The following PTPRD variants were observed in gnomAD, a reference collection of about 807,000 sequenced individuals.
PTPRD encodes protein tyrosine phosphatase receptor type D.
In PTPRD, 34 loss-of-function variants were observed where a neutral mutation model predicts 214.5. That is an observed-to-expected ratio of 0.16 (90% CI 0.12 to 0.21). The LOEUF is 0.21. Ranked by LOEUF, PTPRD falls within the 10% of genes least tolerant of loss-of-function variation. The probability of loss-of-function intolerance (pLI) is 1.00; values close to 1 mark genes in which losing one functional copy is unlikely to be tolerated. For synonymous variants in PTPRD, 1,128 were observed against 845.7 expected (o/e 1.33, Z -5.79); for missense variants, 2,545 against 2,398.7 (o/e 1.06, Z -1.27).
At chr9:8,330,062 G>T (rs771166705) in intron 44 of PTPRD, among the ~76,000 whole-genome samples, 20 of 152,188 alleles carry the variant, frequency 1.3e-4, no homozygotes, top group Non-Finnish European at 2.1e-4. Context: ...GAGAAGTGCA[G>T]TATCTGGGCC....
intron 8 of PTPRD, among the ~76,000 whole-genome samples, chr9:9,412,695 A>G (rs1172461954): frequency 2.6e-5 from 4 of 152,016 alleles, no homozygotes; most frequent in Admixed American, 2.6e-4. Context: ...TTTTACTTGT[A>G]TTTGTTTTTC....
At chr9:9,456,060 A>T (rs1435416998) in intron 8 of PTPRD, among the ~76,000 whole-genome samples, 3 of 151,878 alleles carry the variant, frequency 2.0e-5, no homozygotes, top group Non-Finnish European at 2.9e-5. Flanking sequence ...AGAAAATACT[A>T]ATCCAAGCCT....
In PTPRD at chr9:9,105,507, C is replaced by T. The variant is rs76379860; in HGVS notation, c.-143+77797G>A. Among the ~76,000 whole-genome samples the T allele has an allele frequency of 8.1e-3, 1,235 of 152,240 alleles. 14 individuals are homozygous for T. Among genetic ancestry groups the T allele is most frequent in the African/African-American group, 0.028 (1,157 of 41,526 alleles). On this transcript the variant is annotated intron_variant, in intron 10 of 45. Transcript: ENST00000381196. ...ATTTTCTGCTGATCTGAAGTAAAAACACAACTACCTCAGCTCTCAGACTCA... is the reference window on the plus strand; with the variant it reads ...ATTTTCTGCTGATCTGAAGTAAAAATACAACTACCTCAGCTCTCAGACTCA...
At chr9:8,416,233 A>T (rs1446035652) in intron 35 of PTPRD, among the ~76,000 whole-genome samples, 1 of 152,184 alleles carries the variant, frequency 6.6e-6, no homozygotes, top group Non-Finnish European at 1.5e-5. Context: ...TTTTACTGTT[A>T]AAGAAAAAAC....
rs557423682 is a variant in PTPRD, at chr9:8,496,324, T to C, written c.2349+918A>G. Among the ~76,000 whole-genome samples the C allele has an allele frequency of 1.6e-3, 249 of 152,234 alleles. 1 individual carries two copies. The South Asian group carries it at 0.018, about 11-fold the overall frequency. ...TCTTGGACCACTGTCTCTGAATTCA[T>C]AGCTTTTATTGACACTGTCCACTAA... On this transcript the variant is annotated intron_variant, in intron 26 of 45. Transcript: ENST00000381196.
intron 11 of PTPRD, among the ~76,000 whole-genome samples, chr9:8,798,446 A>G (rs989287224): frequency 6.6e-6 from 1 of 152,222 alleles, no homozygotes; most frequent in African/African-American, 2.4e-5. Context: ...TGGCCTAAGC[A>G]CAATAAATCA....
intron 3 of PTPRD, among the ~76,000 whole-genome samples, chr9:10,257,998 CA>C (rs1424710827): frequency 6.6e-6 from 1 of 152,006 alleles, no homozygotes; most frequent in African/African-American, 2.4e-5. Flanking sequence ...AGGTAGGTGG[CA>C]GGGGCAGGAA....
intron 3 of PTPRD, among the ~76,000 whole-genome samples, chr9:10,062,123 C>T (rs1382560406): frequency 1.3e-5 from 2 of 152,044 alleles, no homozygotes; most frequent in African/African-American, 2.4e-5. Context: ...ACTCAACTCA[C>T]TAATGAGGAG....
intron 9 of PTPRD, among the ~76,000 whole-genome samples, chr9:9,245,479 T>C (rs1161142156): frequency 6.6e-6 from 1 of 152,056 alleles, no homozygotes; most frequent in Non-Finnish European, 1.5e-5. Flanking sequence ...GGGACATGGA[T>C]GAAGCTGGAA....
chr9:8,912,750 A>G (rs2098756957), intron 11 of PTPRD, among the ~76,000 whole-genome samples: 2 of 152,190 alleles, frequency 1.3e-5, no homozygotes, highest in African/African-American at 4.8e-5. Context: ...GTTAAATAAA[A>G]TGGAAATTAA....
intron 8 of PTPRD, among the ~76,000 whole-genome samples, chr9:9,506,496 C>T (rs1473786208): frequency 2.0e-5 from 3 of 151,294 alleles, no homozygotes; most frequent in African/African-American, 4.8e-5. Flanking sequence ...TAAGATCATG[C>T]TTCTTATATG....
At chr9:9,175,118 C>T (rs1208468473) in intron 10 of PTPRD, among the ~76,000 whole-genome samples, 1 of 152,058 alleles carries the variant, frequency 6.6e-6, no homozygotes, top group African/African-American at 2.4e-5. Flanking sequence ...CTTTCAGCCT[C>T]CAGAACTATA....
At chr9:9,926,636 T>G (rs2084412241) in intron 5 of PTPRD, among the ~76,000 whole-genome samples, 1 of 152,140 alleles carries the variant, frequency 6.6e-6, no homozygotes, top group South Asian at 2.1e-4. Flanking sequence ...AATCATAAGC[T>G]TCAAATATAT....
At chr9:8,945,765 G>A (rs956826505) in intron 11 of PTPRD, among the ~76,000 whole-genome samples, 1 of 151,948 alleles carries the variant, frequency 6.6e-6, no homozygotes, top group African/African-American at 2.4e-5. Flanking sequence ...TGTACCTTTG[G>A]ATATACAGTC....
chr9:9,777,357 CTAAA>C (rs1597493442), intron 5 of PTPRD, among the ~76,000 whole-genome samples: 1 of 148,074 alleles, frequency 6.8e-6, no homozygotes, highest in South Asian at 2.2e-4. Context: ...ACACACACCC[CTAAA>C]TGTTTACGTG....
intron 11 of PTPRD, among the ~76,000 whole-genome samples, chr9:8,780,542 A>C (rs1428681238): frequency 6.6e-6 from 1 of 152,150 alleles, no homozygotes; most frequent in East Asian, 1.9e-4. Flanking sequence ...GAAGTCTAAC[A>C]AAAAATGTCC....
intron 3 of PTPRD, among the ~76,000 whole-genome samples, chr9:10,340,025 T>A (rs1460663757): frequency 6.6e-6 from 1 of 151,750 alleles, no homozygotes; most frequent in Non-Finnish European, 1.5e-5. Flanking sequence ...CTGTTCATAC[T>A]CTCCTCTCTA....
intron 4 of PTPRD, among the ~76,000 whole-genome samples, chr9:9,986,902 T>C (rs2095732941): frequency 6.7e-6 from 1 of 149,718 alleles, no homozygotes; most frequent in Admixed American, 6.7e-5. Flanking sequence ...CATATTTTTT[T>C]TTTACTGTAA....
intron 8 of PTPRD, among the ~76,000 whole-genome samples, chr9:9,551,945 G>C (rs984674470): frequency 6.7e-6 from 1 of 149,704 alleles, no homozygotes; most frequent in Non-Finnish European, 1.5e-5. Context: ...ACATAGAAGT[G>C]AGAAAAAAAA....
Sources: allele counts gnomAD v4.1 joint callset (sites outside exome capture counted in the v4.1 genomes callset), GRCh38; gene constraint gnomAD v4.1.1; transcripts MANE v1.5; gene names NCBI Gene and HGNC (gene_info 2026-07-23, HGNC 2026-07-21).